The following FLVCR2 variants were observed in gnomAD, a reference collection of about 807,000 sequenced individuals.
The protein encoded by FLVCR2 is FLVCR choline and putative heme transporter 2, also known as choline/ethanolamine transporter FLVCR2.
In FLVCR2, 38 loss-of-function variants were observed where a neutral mutation model predicts 48.9. The ratio of observed to expected loss-of-function variants is 0.78; its 90% CI spans 0.60 to 1.02. FLVCR2 has a LOEUF of 1.02. FLVCR2 is among the 50% of genes least tolerant of loss of function. FLVCR2 has a pLI of 0.00. For missense variants in FLVCR2, 664 were observed against 663.3 expected (o/e 1.00, Z -0.01); for synonymous variants, 255 against 257.0 (o/e 0.99, Z 0.07).
intron 5 of FLVCR2, 148 bp from the exon 6 acceptor site, chr14:75,639,204 C>T (rs1890241685): frequency 2.9e-6 from 2 of 693,164 alleles, no homozygotes; most frequent in South Asian, 1.5e-5. Context: ...GAGCAAGACA[C>T]TGTCTCTGAA....
intron 1 of FLVCR2, chr14:75,596,061 T>C: frequency 1.6e-6 from 2 of 1,249,486 alleles, no homozygotes; most frequent in Non-Finnish European, 2.3e-6. Flanking sequence ...CAGTGTGGTC[T>C]TGTACATTTT....
At chr14:75,642,164 G>A (rs542910294) in intron 9 of FLVCR2, among the ~76,000 whole-genome samples, 2 of 152,320 alleles carry the variant, frequency 1.3e-5, no homozygotes, top group Admixed American at 1.3e-4. Context: ...CCCAGAGTGT[G>A]TCACCGTTGT....
rs1037825284 is a variant in FLVCR2, at chr14:75,596,135, G to A, written c.669+16494G>A. On this transcript the variant is annotated intron_variant, in intron 1 of 9. Coordinates refer to ENST00000238667, the MANE Select transcript of FLVCR2 (RefSeq NM_017791.3). ...CCTTCCCAGGGTGAAGGATATCAAT[G>A]ACTGTTTGTTTCCTCTGAAGTCGTC... The A allele has an allele frequency of 8.2e-6, 7 of 850,542 alleles. No individual in the cohort carries two copies. The African/African-American group carries it at 8.3e-5, about 10-fold the overall frequency. The allele number at this position is 850,542 out of a possible 1,614,324, so 52.7% of individuals were successfully genotyped here. A position where few individuals can be genotyped will look rare whatever the true frequency, so the allele number is the denominator to read the frequency against.
intron 5 of FLVCR2, among the ~76,000 whole-genome samples, chr14:75,638,066 GC>G (rs1361248658): frequency 6.6e-6 from 1 of 152,194 alleles, no homozygotes; most frequent in African/African-American, 2.4e-5. Context: ...TGGAAGTCAA[GC>G]ACTCAGTTCA....
At chr14:75,586,540 A>G (rs774794121) in intron 1 of FLVCR2, among the ~76,000 whole-genome samples, 4 of 152,218 alleles carry the variant, frequency 2.6e-5, no homozygotes, top group Non-Finnish European at 5.9e-5. Flanking sequence ...CTATCTATTA[A>G]TTTCATTTAG....
Position 75,621,195 on chromosome 14 carries a change from C to T in FLVCR2, c.670-884C>T, listed in dbSNP as rs532861261. 8.5e-5 allele frequency among the ~76,000 whole-genome samples: 13 copies of T among 152,086 alleles called. No individual in the cohort carries two copies. In the East Asian group the frequency reaches 2.5e-3, roughly 29 times the overall value. ...TTGGGAGGCCAAGACGGGTGGATCA[C>T]GAGGTCAAGAGATGGAGACCATCCT... On this transcript the variant is annotated intron_variant, in intron 1 of 9. Transcript: ENST00000238667.
At chr14:75,633,718 G>A (rs770807093) in intron 4 of FLVCR2, 22 bp downstream of exon 4, 2 of 1,581,948 alleles carry the variant, frequency 1.3e-6, no homozygotes, top group Admixed American at 1.7e-5. Context: ...CCCTAAGCAT[G>A]TTGGGCCTCA....
At chr14:75,581,388 T>G (rs1222585199) in intron 1 of FLVCR2, among the ~76,000 whole-genome samples, 1 of 152,164 alleles carries the variant, frequency 6.6e-6, no homozygotes, top group African/African-American at 2.4e-5. Context: ...CTTTTTTAAG[T>G]TTGAAGCTGA....
At chr14:75,638,688 G>C (rs1405906716) in intron 5 of FLVCR2, among the ~76,000 whole-genome samples, 1 of 152,182 alleles carries the variant, frequency 6.6e-6, no homozygotes, top group Non-Finnish European at 1.5e-5. Context: ...AGGAGAAAGG[G>C]CTTTGCCCTT....
At chr14:75,633,727 C>T (rs1260415085) in intron 4 of FLVCR2, 31 bp downstream of exon 4, 3 of 1,538,184 alleles carry the variant, frequency 2.0e-6, no homozygotes, top group Admixed American at 3.3e-5. Flanking sequence ...TGTTGGGCCT[C>T]AAGATGATAT....
intron 1 of FLVCR2, chr14:75,604,411 A>G (rs1444303834): frequency 6.6e-6 from 1 of 152,216 alleles, no homozygotes; most frequent in East Asian, 1.9e-4. Flanking sequence ...GCATTTAGAT[A>G]GTAGTTTCTC....
At chr14:75,603,643 A>T (rs746969473) in intron 1 of FLVCR2, among the ~76,000 whole-genome samples, 4 of 152,198 alleles carry the variant, frequency 2.6e-5, no homozygotes, top group Non-Finnish European at 5.9e-5. Flanking sequence ...GGGTCTATTG[A>T]GCTGTTAAAC....
chr14:75,642,445 A>AC (rs2140055731), intron 9 of FLVCR2, among the ~76,000 whole-genome samples: 1 of 152,346 alleles, frequency 6.6e-6, no homozygotes, highest in South Asian at 2.1e-4. Flanking sequence ...AGAGGAGAGG[A>AC]CCAGGAGTAT....
intron 1 of FLVCR2, among the ~76,000 whole-genome samples, chr14:75,582,428 A>G (rs1444215857): frequency 1.3e-5 from 2 of 152,172 alleles, no homozygotes; most frequent in Non-Finnish European, 2.9e-5. Context: ...AAGTATATGC[A>G]TCAGGTGTGA....
intron 1 of FLVCR2, among the ~76,000 whole-genome samples, chr14:75,608,823 C>G (rs1034721836): frequency 6.6e-6 from 1 of 152,140 alleles, no homozygotes. Context: ...CTCATGCTGC[C>G]CCACCAAAAG....
intron 1 of FLVCR2, among the ~76,000 whole-genome samples, chr14:75,585,663 T>C (rs1232776336): frequency 6.6e-6 from 1 of 151,916 alleles, no homozygotes; most frequent in Non-Finnish European, 1.5e-5. Context: ...AAGGCAGGCG[T>C]CCCCGCGGTG....
rs755659814 is a variant in FLVCR2 at position 75,622,141 on chromosome 14, C to T, written c.732C>T (p.Asp244=). The change falls in exon 2 of 10, where the codon GAC becomes GAT. Residue 244 remains aspartate (D), a synonymous_variant. Coordinates refer to ENST00000238667, the MANE Select transcript of FLVCR2 (RefSeq NM_017791.3). The stretch of plus-strand genomic sequence containing the variant: ...TGGTACCCAACATTGAAGACCGGGA[C>T]GAGCTTGCCTACCACATCAGCATCA... ...PVLVPNIEDR[D]ELAYHISIMF... is the part of the protein sequence containing the mutation. The T allele has an allele frequency of 1.9e-5, 31 of 1,613,810 alleles. No individual in the cohort carries two copies. The highest frequency in any genetic ancestry group is 1.1e-4 in the African/African-American group (8 of 74,870).
chr14:75,597,324 C>T (rs1889048786), intron 1 of FLVCR2, among the ~76,000 whole-genome samples: 1 of 151,830 alleles, frequency 6.6e-6, no homozygotes, highest in Non-Finnish European at 1.5e-5. Flanking sequence ...CAGTTTGAGA[C>T]TTCTGGGAAA....
At chr14:75,580,971 T>G (rs1164782841) in intron 1 of FLVCR2, among the ~76,000 whole-genome samples, 1 of 151,976 alleles carries the variant, frequency 6.6e-6, no homozygotes, top group East Asian at 1.9e-4. Flanking sequence ...AACAAAATAG[T>G]GAAGTGTTGG....
Sources: gnomAD v4.1 joint callset for allele counts (sites outside exome capture counted in the v4.1 genomes callset) on GRCh38, gnomAD v4.1.1 for gene constraint, MANE v1.5 for transcripts, NCBI Gene and HGNC (gene_info 2026-07-23, HGNC 2026-07-21) for gene names.